The following EP400 variants were observed in gnomAD, a reference collection of about 807,000 sequenced individuals.
The protein encoded by EP400 is E1A-binding protein p400.
In EP400, 105 loss-of-function variants were observed where a neutral mutation model predicts 354.1. The observed-to-expected ratio is 0.30, with a 90% CI of 0.25 to 0.35. The LOEUF (loss-of-function observed/expected upper bound fraction) is 0.35. Ranked by LOEUF, EP400 falls within the 10% of genes least tolerant of loss-of-function variation. The pLI, the probability that EP400 is intolerant of heterozygous loss-of-function variation, is 1.00. For missense variants in EP400, 3,280 were observed against 4,121.0 expected (o/e 0.80, Z 5.59); for synonymous variants, 1,646 against 1,716.9 (o/e 0.96, Z 1.02).
At chr12:132,022,058 A>C (rs568031083) in intron 23 of EP400, among the ~76,000 whole-genome samples, 5 of 152,336 alleles carry the variant, frequency 3.3e-5, no homozygotes, top group African/African-American at 1.2e-4. Flanking sequence ...TGGGAGAGGG[A>C]GTGATGCACA....
rs1894787254 is a variant in EP400 at position 132,038,430 on chromosome 12, C to T, written c.6207+334C>T. ...GCCTCCTCTGGAGGCTCTGCGGGCA[C>T]TACCCCTACTCCCCTCTAGCTGGCT... is the stretch of plus-strand genomic sequence containing the variant. On this transcript the variant is annotated intron_variant, in intron 32 of 52. Coordinates refer to ENST00000389561, the MANE Select transcript of EP400 (RefSeq NM_015409.5). This position sits in a 1 kb window ranked among gnomAD's most constrained non-coding sequence, Gnocchi z 4.2. Among the ~76,000 whole-genome samples the T allele has an allele frequency of 6.6e-6, 1 of 152,220 alleles. No homozygotes were observed. Among genetic ancestry groups the T allele is most frequent in the South Asian group, 2.1e-4 (1 of 4,832 alleles).
At chr12:131,991,594 T>TG in intron 10 of EP400, 138 bp downstream of exon 10, 1 of 761,484 alleles carries the variant, frequency 1.3e-6, no homozygotes, top group Non-Finnish European at 2.1e-6. Flanking sequence ...TTTTTTTTTG[T>TG]TTTAGAGACA....
chr12:131,980,956 A>G (rs550960293), intron 3 of EP400, among the ~76,000 whole-genome samples: 1 of 152,256 alleles, frequency 6.6e-6, no homozygotes, highest in Non-Finnish European at 1.5e-5. Context: ...CCAAAAGGAC[A>G]GGGCCAGTTT....
Position 131,994,874 on chromosome 12 carries a change from T to C in EP400, c.2745T>C (p.Asp915=), listed in dbSNP as rs2136508606. The C allele has an allele frequency of 1.2e-6, 2 of 1,613,996 alleles. No individual in the cohort carries two copies. The highest frequency in any genetic ancestry group is 1.7e-6 in the Non-Finnish European group (2 of 1,179,942). The part of the protein sequence containing the change: ...SISLTDDEVD[D]EEETIEEEEA... ...TGCTGATAACCATTTTAGTGGACGA[T>C]GAAGAGGAAACAATTGAAGAGGAGG... The change falls in exon 12 of 53, where the codon GAT becomes GAC. Residue 915 remains aspartate, a synonymous_variant. Transcript: ENST00000389561. The surrounding 1 kb of genome is among the most constrained non-coding windows in gnomAD (Gnocchi z 4.6).
intron 23 of EP400, among the ~76,000 whole-genome samples, chr12:132,022,403 G>A (rs946260928): frequency 1.3e-5 from 2 of 152,152 alleles, no homozygotes; most frequent in African/African-American, 2.4e-5. Context: ...CCTTGTTCAC[G>A]GTTATTCTGT....
chr12:132,022,996 C>T (rs1894170929), intron 23 of EP400, among the ~76,000 whole-genome samples: 1 of 151,972 alleles, frequency 6.6e-6, no homozygotes, highest in Admixed American at 6.6e-5. Context: ...GTAATTGAAG[C>T]TAGTTATTTT....
Position 131,982,491 on chromosome 12 carries a change from A to G in EP400, c.1929+13A>G. ...CTCCCTGCCACAGGTATGAGAAAAG[A>G]TAGAGGAAAAAAAGAAAATGGTTTG... On this transcript the variant is annotated intron_variant, in intron 5 of 52. Coordinates refer to ENST00000389561, the MANE Select transcript of EP400 (RefSeq NM_015409.5). The G allele has an allele frequency of 6.3e-7, 1 of 1,580,882 alleles. No individual in the cohort carries two copies. Among genetic ancestry groups the G allele is most frequent in the Non-Finnish European group, 8.6e-7 (1 of 1,160,362 alleles).
chr12:132,061,396 G>A (rs529681019), intron 45 of EP400, among the ~76,000 whole-genome samples: 19 of 152,352 alleles, frequency 1.2e-4, no homozygotes, highest in Admixed American at 2.6e-4. Flanking sequence ...CCATCCAAAT[G>A]CGTAAGCAAT....
At chr12:132,001,978 T>G (rs1276835409) in intron 12 of EP400, among the ~76,000 whole-genome samples, 7 of 152,234 alleles carry the variant, frequency 4.6e-5, no homozygotes, top group Admixed American at 4.6e-4. Context: ...GAACAGCTCG[T>G]GCCCTCGGTC....
intron 12 of EP400, among the ~76,000 whole-genome samples, chr12:132,004,794 C>A (rs974686907): frequency 6.6e-6 from 1 of 152,128 alleles, no homozygotes. Context: ...ATGTGTGTTG[C>A]ACCTACTAAG....
At chr12:131,987,952 G>T (rs1892907417) in intron 7 of EP400, 62 bp downstream of exon 7, 1 of 1,365,872 alleles carries the variant, frequency 7.3e-7, no homozygotes, top group East Asian at 2.7e-5. Context: ...AGTTTGCAGT[G>T]GTGTAAGTGG....
chr12:132,033,252 ATTATC>A (rs1894585758), intron 30 of EP400, among the ~76,000 whole-genome samples: 1 of 152,160 alleles, frequency 6.6e-6, no homozygotes, highest in South Asian at 2.1e-4. Flanking sequence ...CTGGCCTATT[ATTATC>A]TGTAAAGATA....
intron 12 of EP400, among the ~76,000 whole-genome samples, chr12:132,002,818 T>C (rs1245524534): frequency 6.6e-6 from 1 of 152,206 alleles, no homozygotes; most frequent in Non-Finnish European, 1.5e-5. Flanking sequence ...TTCCTGGGGA[T>C]CCCATTGTCT....
intron 50 of EP400, 41 bp from the exon 51 acceptor site, chr12:132,069,454 G>C (rs375603662): frequency 6.2e-7 from 1 of 1,603,528 alleles, no homozygotes; most frequent in Non-Finnish European, 8.5e-7. Flanking sequence ...TCTTGAGCGC[G>C]GCATGGTCTC....
In EP400 at chr12:132,052,426, G is replaced by A. The variant is rs1451919957; in HGVS notation, c.7395-720G>A. Among the ~76,000 whole-genome samples, 2 of 152,224 alleles carry A rather than the reference G, an allele frequency of 1.3e-5. No homozygotes were observed. Among genetic ancestry groups the A allele is most frequent in the Non-Finnish European group, 2.9e-5 (2 of 68,040 alleles). On this transcript the variant is annotated intron_variant, in intron 41 of 52. Coordinates refer to ENST00000389561, the MANE Select transcript of EP400 (RefSeq NM_015409.5). This position sits in a 1 kb window ranked among gnomAD's most constrained non-coding sequence, Gnocchi z 4.4. ...CCTGGCCCTGGCTTTCAGCCCCTTG[G>A]TGCTCCCTGAGTGTGCTGGCAGCCG...
intron 46 of EP400, 33 bp downstream of exon 46, chr12:132,062,356 C>A (rs200075839): frequency 6.2e-7 from 1 of 1,613,430 alleles, no homozygotes; most frequent in Admixed American, 1.7e-5. Context: ...CTCTGCCACA[C>A]GTCTGCTCTG....
chr12:132,008,954 C>T (rs1893675561), intron 15 of EP400, among the ~76,000 whole-genome samples: 1 of 117,850 alleles, frequency 8.5e-6, no homozygotes, highest in Non-Finnish European at 1.7e-5. Context: ...GGAGCTGTTG[C>T]CCAGGTTGGA....
intron 48 of EP400, 138 bp downstream of exon 48, chr12:132,065,024 C>G: frequency 7.0e-7 from 1 of 1,425,954 alleles, no homozygotes; most frequent in South Asian, 1.4e-5. Context: ...AACTTAGTAC[C>G]CCTTGGACAG....
At chr12:131,951,437 CCTCCTAGTGCT>C (rs1891489576) in intron 1 of EP400, among the ~76,000 whole-genome samples, 1 of 151,804 alleles carries the variant, frequency 6.6e-6, no homozygotes, top group Non-Finnish European at 1.5e-5. Context: ...ACCGCCTTGG[CCTCCTAGTGCT>C]GGGACTGTAG....
Sources: gnomAD v4.1 joint callset for allele counts (sites outside exome capture counted in the v4.1 genomes callset) on GRCh38, gnomAD v4.1.1 for gene constraint, Gnocchi (gnomAD v3.1) non-coding constraint, MANE v1.5 for transcripts, NCBI Gene and HGNC (gene_info 2026-07-23, HGNC 2026-07-21) for gene names.